The following TMEM178B variants were observed in gnomAD, a reference collection of about 807,000 sequenced individuals.
TMEM178B encodes the protein transmembrane protein 178B.
In TMEM178B, 5 loss-of-function variants were observed where a neutral mutation model predicts 31.0. That is an observed-to-expected ratio of 0.16 (90% confidence interval 0.08 to 0.34). The LOEUF (loss-of-function observed/expected upper bound fraction) is 0.34, where lower values mean the gene tolerates loss of function less well. Among genes scored for constraint, TMEM178B ranks in the 10% least tolerant of loss-of-function variants. The probability of loss-of-function intolerance (pLI) is 1.00; values close to 1 mark genes in which losing one functional copy is unlikely to be tolerated. For missense variants in TMEM178B, 275 were observed against 400.3 expected (o/e 0.69, Z 2.67); for synonymous variants, 164 against 164.0 (o/e 1.00, Z 0.00).
At chr7:141,334,815 A>G (rs2116496444) in intron 2 of TMEM178B, among the ~76,000 whole-genome samples, 1 of 152,246 alleles carries the variant, frequency 6.6e-6, no homozygotes, top group African/African-American at 2.4e-5. Flanking sequence ...TATCCAGGAG[A>G]GGGTTCTATT....
intron 2 of TMEM178B, among the ~76,000 whole-genome samples, chr7:141,406,648 G>A (rs939117964): frequency 3.3e-5 from 5 of 152,242 alleles, no homozygotes; most frequent in African/African-American, 1.2e-4. Flanking sequence ...TGAAATGGCT[G>A]TGGTGCACTT....
chr7:141,361,075 T>G (rs1799910180), intron 2 of TMEM178B, among the ~76,000 whole-genome samples: 1 of 152,122 alleles, frequency 6.6e-6, no homozygotes, highest in African/African-American at 2.4e-5. Context: ...CCAGGAAAGG[T>G]AGGGGCATCT....
chr7:141,149,056 G>C (rs1795908113), intron 1 of TMEM178B, among the ~76,000 whole-genome samples: 1 of 152,164 alleles, frequency 6.6e-6, no homozygotes. Flanking sequence ...TCATGGCTTT[G>C]GGCTTTGAAT....
chr7:141,113,929 G>C (rs918928587), intron 1 of TMEM178B, among the ~76,000 whole-genome samples: 1 of 152,180 alleles, frequency 6.6e-6, no homozygotes, highest in Non-Finnish European at 1.5e-5. Context: ...TTAGAGTACA[G>C]AAATGCTATA....
intron 1 of TMEM178B, among the ~76,000 whole-genome samples, chr7:141,206,487 G>A (rs1796964440): frequency 6.6e-6 from 1 of 152,178 alleles, no homozygotes; most frequent in Non-Finnish European, 1.5e-5. Flanking sequence ...CTTCTAGTTT[G>A]GGTTGTGCTA....
chr7:141,241,125 C>T (rs1347370750), intron 2 of TMEM178B, among the ~76,000 whole-genome samples: 1 of 142,392 alleles, frequency 7.0e-6, no homozygotes, highest in Admixed American at 7.4e-5. Flanking sequence ...GAGTAGTGTA[C>T]ATTGTACCTA....
chr7:141,192,527 C>G (rs1271682847), intron 1 of TMEM178B, among the ~76,000 whole-genome samples: 1 of 151,346 alleles, frequency 6.6e-6, no homozygotes, highest in Admixed American at 6.6e-5. Context: ...CTCACTCTGT[C>G]GCCCAGGCTG....
chr7:141,490,008 C>T, the TMEM178B span, among the ~76,000 whole-genome samples: 1 of 152,144 alleles, frequency 6.6e-6, no homozygotes, highest in Non-Finnish European at 1.5e-5. Context: ...CACATGGATG[C>T]GATTGTCTGG....
At chr7:141,259,979 G>A (rs1348185361) in intron 2 of TMEM178B, among the ~76,000 whole-genome samples, 1 of 152,094 alleles carries the variant, frequency 6.6e-6, no homozygotes. Flanking sequence ...GATCTCTCCT[G>A]AGTGTGAGCA....
chr7:141,111,015 A>G (rs1795226478), intron 1 of TMEM178B, among the ~76,000 whole-genome samples: 1 of 152,226 alleles, frequency 6.6e-6, no homozygotes, highest in African/African-American at 2.4e-5. Flanking sequence ...GGAAGTAAAC[A>G]TCTGTTGTTT....
At chr7:141,267,888 G>A (rs570607581) in intron 2 of TMEM178B, among the ~76,000 whole-genome samples, 15 of 152,310 alleles carry the variant, frequency 9.8e-5, no homozygotes, top group Non-Finnish European at 1.8e-4. Flanking sequence ...AACATAGCAG[G>A]TGCCTGCACT....
At chr7:141,122,786 T>TCA (rs1795430592) in intron 1 of TMEM178B, among the ~76,000 whole-genome samples, 1 of 152,358 alleles carries the variant, frequency 6.6e-6, no homozygotes, top group East Asian at 1.9e-4. Context: ...CTTTTCTTCT[T>TCA]TGTAAATCTG....
At chr7:141,372,861 C>T (rs1359698628) in intron 2 of TMEM178B, among the ~76,000 whole-genome samples, 2 of 152,192 alleles carry the variant, frequency 1.3e-5, no homozygotes, top group East Asian at 3.8e-4. Flanking sequence ...GACTTCCACA[C>T]ATCTGAGCCG....
At chr7:141,216,551 G>C (rs1462132507) in intron 2 of TMEM178B, among the ~76,000 whole-genome samples, 1 of 151,912 alleles carries the variant, frequency 6.6e-6, no homozygotes, top group East Asian at 1.9e-4. Flanking sequence ...ACTGGTGTGT[G>C]TGTGTGTGGT....
In TMEM178B at chr7:141,475,331, G is replaced by C. The variant is rs1364690628; in HGVS notation, c.*4545G>C. 6.6e-6 allele frequency: 1 copy of C among 152,140 alleles called. No homozygotes were observed. The highest frequency in any genetic ancestry group is 2.4e-5 in the African/African-American group (1 of 41,424). 9.4% of individuals were successfully genotyped at this position (152,140 alleles called of 1,614,324 possible). Reference sequence around the variant, plus strand: ...GGGCTGTGTTTGCCCTCTTTTCATTGATGCTGCCATGATGCAAAATGTTTC... The same window carrying C: ...GGGCTGTGTTTGCCCTCTTTTCATTCATGCTGCCATGATGCAAAATGTTTC... On this transcript the variant is annotated 3_prime_UTR_variant, in exon 4 of 4. Coordinates refer to ENST00000565468, the MANE Select transcript of TMEM178B (RefSeq NM_001195278.2).
chr7:141,481,147 A>G (rs981461509), downstream of TMEM178B, among the ~76,000 whole-genome samples: 7 of 152,216 alleles, frequency 4.6e-5, no homozygotes, highest in African/African-American at 1.7e-4. Context: ...CTGAGGCCGT[A>G]TGGCGCTGCT....
At chr7:141,111,830 T>G (rs1391771961) in intron 1 of TMEM178B, among the ~76,000 whole-genome samples, 1 of 152,226 alleles carries the variant, frequency 6.6e-6, no homozygotes, top group Non-Finnish European at 1.5e-5. Context: ...CCGTTGTGAA[T>G]TGTGTTTATA....
intron 1 of TMEM178B, among the ~76,000 whole-genome samples, chr7:141,208,733 C>T (rs1448696327): frequency 2.0e-5 from 3 of 152,184 alleles, no homozygotes; most frequent in Non-Finnish European, 2.9e-5. Context: ...GCTGGCTGGG[C>T]TGCGGTTGGA....
At chr7:141,103,405 T>C (rs1054731175) in intron 1 of TMEM178B, among the ~76,000 whole-genome samples, 3 of 152,224 alleles carry the variant, frequency 2.0e-5, no homozygotes, top group African/African-American at 4.8e-5. Context: ...CAGAATCCCA[T>C]GTACAATGAT....
Sources: allele counts gnomAD v4.1 joint callset (sites outside exome capture counted in the v4.1 genomes callset), GRCh38; gene constraint gnomAD v4.1.1; transcripts MANE v1.5; gene names NCBI Gene and HGNC (gene_info 2026-07-23, HGNC 2026-07-21).